Variants in DNAJC10 observed in about 807,000 individuals in gnomAD.
DNAJC10 encodes endoplasmic reticulum disulfide reductase DNAJC10.
Under a neutral mutation model 115.0 loss-of-function variants are expected in DNAJC10, and 101 were observed. That is an observed-to-expected ratio of 0.88 (90% CI 0.75 to 1.04). The LOEUF (loss-of-function observed/expected upper bound fraction) is 1.04, where lower values mean the gene tolerates loss of function less well. DNAJC10 is among the 50% of genes least tolerant of loss of function. DNAJC10 has a pLI of 0.00. For missense variants in DNAJC10, 981 were observed against 928.8 expected (o/e 1.06, Z -0.73); for synonymous variants, 307 against 301.5 (o/e 1.02, Z -0.19).
intron 8 of DNAJC10, 130 bp from the exon 9 acceptor site, chr2:182,730,900 G>A: frequency 1.7e-6 from 1 of 584,562 alleles, no homozygotes; most frequent in South Asian, 2.7e-5. Context: ...TCTTTGGAAA[G>A]ATAACTGGTA....
At position 182,780,330 on chromosome 2, in the gene DNAJC10, G is replaced by C. The variant is rs1227962667; in HGVS notation, c.*3198G>C. Reference sequence around the variant, plus strand: ...ATGAGTTCCTGCTGTGTTTATTCCTGCAAGAGCTGGTTGTTAAAAGGAACT... The same window carrying C: ...ATGAGTTCCTGCTGTGTTTATTCCTCCAAGAGCTGGTTGTTAAAAGGAACT... On this transcript the variant is annotated 3_prime_UTR_variant, in exon 24 of 24. Transcript: ENST00000264065. 1 of 152,002 alleles carries C rather than the reference G, an allele frequency of 6.6e-6. No homozygotes were observed. Among genetic ancestry groups the C allele is most frequent in the Non-Finnish European group, 1.5e-5 (1 of 68,050 alleles). 9.4% of individuals were successfully genotyped at this position (152,002 alleles called of 1,614,324 possible). A position where few individuals can be genotyped will look rare whatever the true frequency, so the allele number is the denominator to read the frequency against.
chr2:182,721,629 C>T (rs922636386), intron 4 of DNAJC10, among the ~76,000 whole-genome samples: 2 of 151,956 alleles, frequency 1.3e-5, no homozygotes, highest in Non-Finnish European at 2.9e-5. Flanking sequence ...TCCTGGTTTT[C>T]GATATTGTGC....
intron 12 of DNAJC10, among the ~76,000 whole-genome samples, chr2:182,740,877 C>T (rs1262546665): frequency 6.6e-6 from 1 of 152,084 alleles, no homozygotes; most frequent in Non-Finnish European, 1.5e-5. Flanking sequence ...AAACCAAATA[C>T]TTCCTAACCA....
rs539103189 is a variant in DNAJC10 at position 182,751,355 on chromosome 2, C to T, written c.1307-303C>T. Among the ~76,000 whole-genome samples the T allele has an allele frequency of 1.6e-4, 25 of 151,860 alleles. 1 individual carries two copies. The East Asian group carries it at 3.1e-3, about 19-fold the overall frequency. Reference sequence around the variant, plus strand: ...TTCACCATGTTGGCCAGGATGGTCTCGATCTCTTGACCTCGTGATCTGCCC... The same window carrying T: ...TTCACCATGTTGGCCAGGATGGTCTTGATCTCTTGACCTCGTGATCTGCCC... On this transcript the variant is annotated intron_variant, in intron 14 of 23. Coordinates refer to ENST00000264065, the MANE Select transcript of DNAJC10 (RefSeq NM_018981.4).
intron 8 of DNAJC10, among the ~76,000 whole-genome samples, chr2:182,730,768 G>A (rs992828453): frequency 2.6e-5 from 4 of 152,076 alleles, no homozygotes; most frequent in Admixed American, 6.6e-5. Context: ...GGTAGGCAAA[G>A]CTCAAGTCAC....
chr2:182,763,875 A>AT (rs1046567691), intron 22 of DNAJC10, among the ~76,000 whole-genome samples: 2 of 152,162 alleles, frequency 1.3e-5, no homozygotes, highest in African/African-American at 2.4e-5. Context: ...TAGCAAACAG[A>AT]TAAAAAAAAG....
At chr2:182,762,537 G>A (rs2105688918) in intron 21 of DNAJC10, 145 bp from the exon 22 acceptor site, 2 of 825,414 alleles carry the variant, frequency 2.4e-6, no homozygotes, top group Admixed American at 2.8e-5. Context: ...AAGGGATAAT[G>A]TGGAAATAAT....
In DNAJC10 at chr2:182,718,047, C is replaced by G. The variant is rs371727615; in HGVS notation, c.-40C>G. ...ACATCAACTGGAACCAGCAGTGAAT[C>G]TTAATGTTCACTTAAATCAGAACTT... On this transcript the variant is annotated 5_prime_UTR_variant, in exon 3 of 24. The change creates a new upstream start codon in the 5' untranslated region. Coordinates refer to ENST00000264065, the MANE Select transcript of DNAJC10 (RefSeq NM_018981.4). 244 of 1,462,454 alleles carry G rather than the reference C, an allele frequency of 1.7e-4. No homozygotes were observed. The highest frequency in any genetic ancestry group is 2.2e-4 in the Non-Finnish European group (233 of 1,066,236). 90.6% of individuals were successfully genotyped at this position (1,462,454 alleles called of 1,614,324 possible). A position where few individuals can be genotyped will look rare whatever the true frequency, so the allele number is the denominator to read the frequency against.
chr2:182,741,881 G>C (rs754412585), intron 13 of DNAJC10, among the ~76,000 whole-genome samples: 1 of 151,700 alleles, frequency 6.6e-6, no homozygotes, highest in Non-Finnish European at 1.5e-5. Flanking sequence ...AGACATACAC[G>C]TGTAAATTTA....
chr2:182,751,403 G>A (rs778368344), intron 14 of DNAJC10, among the ~76,000 whole-genome samples: 21 of 152,000 alleles, frequency 1.4e-4, no homozygotes, highest in Non-Finnish European at 2.4e-4. Context: ...CAAAGTGCTA[G>A]GATTACAGGC....
chr2:182,753,169 C>G (rs1311409441), intron 16 of DNAJC10, among the ~76,000 whole-genome samples: 1 of 151,930 alleles, frequency 6.6e-6, no homozygotes, highest in Non-Finnish European at 1.5e-5. Flanking sequence ...TGGGAGTAGA[C>G]TAGAAAGGGA....
chr2:182,752,020 G>C, intron 15 of DNAJC10, 52 bp from the exon 16 acceptor site: 1 of 1,395,838 alleles, frequency 7.2e-7, no homozygotes, highest in Non-Finnish European at 1.0e-6. Flanking sequence ...AATGATGGGG[G>C]GGTTTTTTGT....
chr2:182,754,635 G>C, intron 16 of DNAJC10: 1 of 335,504 alleles, frequency 3.0e-6, no homozygotes. Context: ...TATTTATTAT[G>C]GTTTAAAAAA....
intron 22 of DNAJC10, among the ~76,000 whole-genome samples, chr2:182,772,845 G>A (rs1559028289): frequency 6.6e-6 from 1 of 152,098 alleles, no homozygotes; most frequent in Non-Finnish European, 1.5e-5. Context: ...TTACATTTAA[G>A]GTTAATATTG....
intron 5 of DNAJC10, among the ~76,000 whole-genome samples, chr2:182,726,312 C>T (rs1173913175): frequency 1.3e-5 from 2 of 152,144 alleles, no homozygotes; most frequent in Non-Finnish European, 2.9e-5. Flanking sequence ...TTATAATAAT[C>T]TCACCATGGG....
intron 13 of DNAJC10, among the ~76,000 whole-genome samples, chr2:182,742,072 G>C (rs1464563449): frequency 6.6e-6 from 1 of 151,998 alleles, no homozygotes; most frequent in African/African-American, 2.4e-5. Flanking sequence ...GCTACATAGT[G>C]GCTTACTATA....
intron 10 of DNAJC10, among the ~76,000 whole-genome samples, chr2:182,734,284 A>G (rs1400660304): frequency 6.6e-6 from 1 of 151,406 alleles, no homozygotes; most frequent in Non-Finnish European, 1.5e-5. Flanking sequence ...TGATATATAT[A>G]TATAGTATTT....
At chr2:182,724,037 GCCTT>G in intron 5 of DNAJC10, among the ~76,000 whole-genome samples, 1 of 152,154 alleles carries the variant, frequency 6.6e-6, no homozygotes, top group African/African-American at 2.4e-5. Flanking sequence ...ACAAGCAAAT[GCCTT>G]CTAAGCTCTT....
At position 182,784,082 on chromosome 2, in the gene DNAJC10, C is replaced by T. The variant is rs1488849421; in HGVS notation, c.*6950C>T. ...GTAGCTCACGCCCATAATCCCAGCA[C>T]TTTGGGAGGCCAAGTGGAAGGATCA... On this transcript the variant is annotated 3_prime_UTR_variant, in exon 24 of 24. Coordinates refer to ENST00000264065, the MANE Select transcript of DNAJC10 (RefSeq NM_018981.4). 1.3e-5 allele frequency: 2 copies of T among 152,072 alleles called. No individual in the cohort carries two copies. Among genetic ancestry groups the T allele is most frequent in the South Asian group, 2.1e-4 (1 of 4,824 alleles). 9.4% of individuals were successfully genotyped at this position (152,072 alleles called of 1,614,324 possible).
Sources: allele counts gnomAD v4.1 joint callset (sites outside exome capture counted in the v4.1 genomes callset), GRCh38; gene constraint gnomAD v4.1.1; transcripts MANE v1.5; gene names NCBI Gene and HGNC (gene_info 2026-07-23, HGNC 2026-07-21).